Variants in SMR3A observed in about 807,000 individuals in gnomAD.
SMR3A encodes submaxillary gland androgen regulated protein 3A.
For missense variants in SMR3A, 188 were observed against 163.0 expected (o/e 1.15, Z -0.84); for synonymous variants, 48 against 57.4 (o/e 0.84, Z 0.74).
chr4:70,365,833 T>C (rs1174397566), intron 2 of SMR3A, among the ~76,000 whole-genome samples: 1 of 152,034 alleles, frequency 6.6e-6, no homozygotes, highest in Non-Finnish European at 1.5e-5. Context: ...AGAACAACCC[T>C]GAACTCTTGA....
chr4:70,361,659 A>G (rs1732150065), intron 1 of SMR3A, among the ~76,000 whole-genome samples: 1 of 151,906 alleles, frequency 6.6e-6, no homozygotes, highest in South Asian at 2.1e-4. Context: ...AAGGAATTAC[A>G]CTAACATATG....
intron 1 of SMR3A, among the ~76,000 whole-genome samples, 158 bp downstream of exon 1, chr4:70,361,000 A>G (rs1464930951): frequency 6.6e-6 from 1 of 151,880 alleles, no homozygotes; most frequent in Non-Finnish European, 1.5e-5. Flanking sequence ...TGTTATTCAC[A>G]TGTCAGAGTA....
chr4:70,361,462 T>C (rs1196508412), intron 1 of SMR3A, among the ~76,000 whole-genome samples: 1 of 151,894 alleles, frequency 6.6e-6, no homozygotes, highest in African/African-American at 2.4e-5. Flanking sequence ...GACTCCTCCA[T>C]ATTCTCTGAC....
In SMR3A at chr4:70,366,653, A is replaced by T; in HGVS notation, c.64A>T (p.Ser22Cys). ...TTCTTTGTTTCCACAGCCTGGTGAG[A>T]GTCAAAGAGGCCCCAGGGGACCATA... is the stretch of plus-strand genomic sequence containing the variant. ...ALAACFTPGE[S>C]QRGPRGPYPP... The change falls in exon 3 of 3, where the codon AGT (serine) becomes TGT (cysteine). Residue 22 changes from serine (S) to cysteine (C), a missense_variant. Transcript: ENST00000226460. The T allele has an allele frequency of 6.2e-7, 1 of 1,604,792 alleles. No individual in the cohort carries two copies. The highest frequency in any genetic ancestry group is 8.5e-7 in the Non-Finnish European group (1 of 1,174,950).
chr4:70,367,043 C>T lies in SMR3A; in HGVS notation c.*49C>T, dbSNP rs749396361. 11 of 1,493,082 alleles carry T rather than the reference C, an allele frequency of 7.4e-6. No individual in the cohort carries two copies. Among genetic ancestry groups the T allele is most frequent in the Middle Eastern group, 1.7e-4 (1 of 5,748 alleles). 92.5% of individuals were successfully genotyped at this position (1,493,082 alleles called of 1,614,324 possible). Reference sequence around the variant, plus strand: ...CACCACCCACAAAAGACAACACTACCCTCGTAACTACTGCTTCTACTACCC... The same window carrying T: ...CACCACCCACAAAAGACAACACTACTCTCGTAACTACTGCTTCTACTACCC... On this transcript the variant is annotated 3_prime_UTR_variant, in exon 3 of 3. Coordinates refer to ENST00000226460, the MANE Select transcript of SMR3A (RefSeq NM_012390.4).
intron 2 of SMR3A, among the ~76,000 whole-genome samples, chr4:70,365,830 C>T (rs1377617156): frequency 1.3e-5 from 2 of 152,000 alleles, no homozygotes; most frequent in Non-Finnish European, 2.9e-5. Context: ...CCCAGAACAA[C>T]CCTGAACTCT....
In SMR3A at chr4:70,366,957, C is replaced by A; in HGVS notation, c.368C>A (p.Ser123Tyr). The A allele has an allele frequency of 6.2e-7, 1 of 1,613,502 alleles. No individual in the cohort carries two copies. Among genetic ancestry groups the A allele is most frequent in the Non-Finnish European group, 8.5e-7 (1 of 1,179,690 alleles). Residue 123 changes from serine (S) to tyrosine (Y), a missense_variant, in exon 3 of 3, where the codon TCT becomes TAT. Coordinates refer to ENST00000226460, the MANE Select transcript of SMR3A (RefSeq NM_012390.4). ...GGACCTCCATTTTTCCCTGTAAATT[C>A]TCCAACTGATCCTGCCCTCCCTACT... ...PPGPPFFPVN[S>Y]PTDPALPTPA... is the part of the protein sequence containing the mutation.
At position 70,367,092 on chromosome 4, in the gene SMR3A, T is replaced by A; in HGVS notation, c.*98T>A. On this transcript the variant is annotated 3_prime_UTR_variant, in exon 3 of 3. Transcript: ENST00000226460. Reference sequence around the variant, plus strand: ...CCAAAAATAAGAATTTCAACACTACTTCCAAGAGACTTTTAGATAAAATCA... The same window carrying A: ...CCAAAAATAAGAATTTCAACACTACATCCAAGAGACTTTTAGATAAAATCA... 2.0e-6 allele frequency: 2 copies of A among 1,014,944 alleles called. No homozygotes were observed. The highest frequency in any genetic ancestry group is 2.9e-6 in the Non-Finnish European group (2 of 683,142). 62.9% of individuals were successfully genotyped at this position (1,014,944 alleles called of 1,614,324 possible). A position where few individuals can be genotyped will look rare whatever the true frequency, so the allele number is the denominator to read the frequency against.
chr4:70,365,615 CA>C (rs1732243150), intron 2 of SMR3A, among the ~76,000 whole-genome samples: 1 of 151,994 alleles, frequency 6.6e-6, no homozygotes, highest in Admixed American at 6.6e-5. Flanking sequence ...CCCAGACACT[CA>C]TTCCATTCAT....
chr4:70,365,279 G>A (rs1193460906), intron 2 of SMR3A, among the ~76,000 whole-genome samples: 2 of 151,916 alleles, frequency 1.3e-5, no homozygotes, highest in African/African-American at 4.8e-5. Context: ...GTCTTATTAT[G>A]TTGTCCAGGT....
At position 70,366,899 on chromosome 4, in the gene SMR3A, C is replaced by T. The variant is rs1732277705; in HGVS notation, c.310C>T (p.Gln104Ter). The T allele has an allele frequency of 1.9e-6, 3 of 1,613,706 alleles. No individual in the cohort carries two copies. The change falls in exon 3 of 3, where the codon CAG becomes TAG. Residue 104 changes from glutamine to a stop codon, truncating the protein, a stop_gained. Transcript: ENST00000226460. LOFTEE classifies it low-confidence loss of function (END_TRUNC). ...LPPPYGPGYP[Q>*]PPSQPRPYPP... Reference sequence around the variant, plus strand: ...TCCTCCTTATGGCCCAGGTTATCCACAGCCACCTTCCCAACCAAGACCCTA... The same window carrying T: ...TCCTCCTTATGGCCCAGGTTATCCATAGCCACCTTCCCAACCAAGACCCTA...
Position 70,366,680 on chromosome 4 carries a change from C to A in SMR3A, c.91C>A (p.Pro31Thr). The change falls in exon 3 of 3, where the codon CCA becomes ACA. Residue 31 changes from proline to threonine, a missense_variant. Pro to Thr is a conservative substitution (Grantham distance 38). Coordinates refer to ENST00000226460, the MANE Select transcript of SMR3A (RefSeq NM_012390.4). ...TCAAAGAGGCCCCAGGGGACCATAT[C>A]CACCTGGACCACTGGCTCCTCCTCC... ...ESQRGPRGPY[P>T]PGPLAPPPPP... 1.2e-6 allele frequency: 2 copies of A among 1,612,636 alleles called. No individual in the cohort carries two copies. Among genetic ancestry groups the A allele is most frequent in the Non-Finnish European group, 8.5e-7 (1 of 1,179,226 alleles).
chr4:70,366,010 G>T lies in SMR3A; in HGVS notation c.55-634G>T, dbSNP rs539496202. ...TTCATTGAGAGCCTAGGTATTCAGA[G>T]GGCAAAAGAGAAACATTTTTCTTTG... On this transcript the variant is annotated intron_variant, in intron 2 of 2. Transcript: ENST00000226460. 2.0e-5 allele frequency among the ~76,000 whole-genome samples: 3 copies of T among 152,054 alleles called. No individual in the cohort carries two copies. In the South Asian group the frequency reaches 6.2e-4, roughly 32 times the overall value.
At position 70,361,815 on chromosome 4, in the gene SMR3A, C is replaced by A. The variant is rs553532764; in HGVS notation, c.-14-287C>A. Among the ~76,000 whole-genome samples the A allele has an allele frequency of 3.0e-4, 45 of 151,978 alleles. No homozygotes were observed. The South Asian group carries it at 4.6e-3, about 15-fold the overall frequency. On this transcript the variant is annotated intron_variant, in intron 1 of 2. Transcript: ENST00000226460. ...CCTCTAAAGGCAAAAACTGTAGTTA[C>A]AAAAGCTTCTATTGTTCAATCATTT...
intron 2 of SMR3A, among the ~76,000 whole-genome samples, chr4:70,363,344 C>T (rs1014561166): frequency 6.6e-6 from 1 of 151,784 alleles, no homozygotes; most frequent in Non-Finnish European, 1.5e-5. Flanking sequence ...GTAGCATGTC[C>T]TTTGCATATA....
intron 2 of SMR3A, among the ~76,000 whole-genome samples, chr4:70,365,794 G>A (rs1169185872): frequency 1.3e-5 from 2 of 151,978 alleles, no homozygotes; most frequent in Non-Finnish European, 2.9e-5. Flanking sequence ...GCTCACATGT[G>A]TTTCACAATT....
chr4:70,365,043 G>A (rs186212593), intron 2 of SMR3A, among the ~76,000 whole-genome samples: 46 of 152,082 alleles, frequency 3.0e-4, no homozygotes, highest in African/African-American at 9.1e-4. Context: ...AGTTCTTGCC[G>A]TCAGTAGAGT....
intron 2 of SMR3A, 94 bp downstream of exon 2, chr4:70,362,263 A>G: frequency 6.3e-7 from 1 of 1,577,570 alleles, no homozygotes; most frequent in Non-Finnish European, 8.6e-7. Context: ...ACCTTTTCTT[A>G]TATATTAGTA....
chr4:70,364,191 G>A (rs1046793056), intron 2 of SMR3A, among the ~76,000 whole-genome samples: 2 of 152,022 alleles, frequency 1.3e-5, no homozygotes, highest in African/African-American at 4.8e-5. Flanking sequence ...ATTGGTGGTT[G>A]AAACTGAATC....
Sources: gnomAD v4.1 joint callset for allele counts (sites outside exome capture counted in the v4.1 genomes callset) on GRCh38, gnomAD v4.1.1 for gene constraint, MANE v1.5 for transcripts, NCBI Gene and HGNC (gene_info 2026-07-23, HGNC 2026-07-21) for gene names.